The following ACP3 variants were observed in gnomAD, a reference collection of about 807,000 sequenced individuals.
ACP3 encodes the protein prostatic acid phosphatase.
A neutral mutation model predicts 45.6 loss-of-function variants in ACP3; 38 were observed. The ratio of observed to expected loss-of-function variants is 0.83; its 90% CI spans 0.64 to 1.09. The LOEUF is 1.09. ACP3 is among the 50% of genes least tolerant of loss of function. The pLI is 0.00. For synonymous variants in ACP3, 162 were observed against 164.7 expected, an observed-to-expected ratio of 0.98 and a Z score of 0.13; for missense variants, 466 against 463.2, an observed-to-expected ratio of 1.01 and a Z score of -0.05.
intron 1 of ACP3, among the ~76,000 whole-genome samples, chr3:132,318,948 C>T (rs927139801): frequency 2.0e-5 from 3 of 152,210 alleles, no homozygotes; most frequent in Admixed American, 6.5e-5. Context: ...ATGTTTTACC[C>T]AAGTTAGCCC....
intron 5 of ACP3, among the ~76,000 whole-genome samples, chr3:132,341,449 T>G (rs1035700942): frequency 3.9e-4 from 59 of 152,352 alleles, no homozygotes; most frequent in African/African-American, 1.4e-3. Flanking sequence ...TTACCAATGT[T>G]GAACAATCTT....
intron 1 of ACP3, among the ~76,000 whole-genome samples, chr3:132,325,535 A>G (rs1937282743): frequency 6.6e-6 from 1 of 150,838 alleles, no homozygotes; most frequent in African/African-American, 2.5e-5. Flanking sequence ...AATAATATAC[A>G]TAGTTCACAG....
At position 132,352,361 on chromosome 3, in the gene ACP3, C is replaced by CTTTT. The variant is rs35270483; in HGVS notation, c.865-346_865-343dup. Among the ~76,000 whole-genome samples the CTTTT allele has an allele frequency of 8.4e-4, 114 of 135,602 alleles. 2 individuals are homozygous for CTTTT. The highest frequency in any genetic ancestry group is 2.9e-3 in the South Asian group (12 of 4,110). 89.0% of individuals were successfully genotyped at this position (135,602 alleles called of 152,430 possible). A position where few individuals can be genotyped will look rare whatever the true frequency, so the allele number is the denominator to read the frequency against. On this transcript the variant is annotated intron_variant, in intron 8 of 9. Transcript: ENST00000336375. ...TACAGGCCCATGCCACCACACCCAGCTTTTTTTTTTTTTTTTAGTAGGGAT... is the reference window on the plus strand; with the variant it reads ...TACAGGCCCATGCCACCACACCCAGCTTTTTTTTTTTTTTTTTTTTAGTAGGGAT...
chr3:132,350,550 G>A (rs1403331919), intron 8 of ACP3, among the ~76,000 whole-genome samples: 1 of 152,166 alleles, frequency 6.6e-6, no homozygotes, highest in African/African-American at 2.4e-5. Context: ...GAAAAATTAA[G>A]TCCCTCGGTT....
At chr3:132,353,437 A>C (rs1238491408) in intron 9 of ACP3, among the ~76,000 whole-genome samples, 1 of 152,262 alleles carries the variant, frequency 6.6e-6, no homozygotes, top group East Asian at 1.9e-4. Context: ...AAACTGGGGA[A>C]GAATTGATTA....
chr3:132,353,886 T>C lies in ACP3; in HGVS notation c.968+1063T>C, dbSNP rs1456652297. ...GCACAGAGACTTCATTCTCAACCAATATCTTCACTGCTTACAAAGAAGTGA... is the reference window on the plus strand; with the variant it reads ...GCACAGAGACTTCATTCTCAACCAACATCTTCACTGCTTACAAAGAAGTGA... On this transcript the variant is annotated intron_variant, in intron 9 of 9. Coordinates refer to ENST00000336375, the MANE Select transcript of ACP3 (RefSeq NM_001099.5). Among the ~76,000 whole-genome samples, 9 of 152,198 alleles carry C rather than the reference T, an allele frequency of 5.9e-5. No homozygotes were observed. In the South Asian group the frequency reaches 1.2e-3, roughly 21 times the overall value.
chr3:132,349,180 T>C (rs1937661511), intron 7 of ACP3, among the ~76,000 whole-genome samples: 1 of 152,118 alleles, frequency 6.6e-6, no homozygotes, highest in Non-Finnish European at 1.5e-5. Context: ...TGCCTAGAAA[T>C]AGGATAAATA....
intron 6 of ACP3, among the ~76,000 whole-genome samples, chr3:132,343,948 G>A (rs1937578956): frequency 6.6e-6 from 1 of 152,070 alleles, no homozygotes; most frequent in Non-Finnish European, 1.5e-5. Context: ...AGCCTGGGCA[G>A]CATAATGAGG....
rs529197648 is a variant in ACP3 at position 132,356,327 on chromosome 3, GGGA to G, written c.969-351_969-349del. Among the ~76,000 whole-genome samples, 738 of 152,176 alleles carry G rather than the reference GGGA, an allele frequency of 4.8e-3. 4 individuals are homozygous for G. Among genetic ancestry groups the G allele is most frequent in the Non-Finnish European group, 7.6e-3 (518 of 68,006 alleles). ...GAGCAAATGAGAAGCCTAAAAAGAAGGGAGGAGGAGAAGGAAAACCCAACACCC... is the reference window on the plus strand; with the variant it reads ...GAGCAAATGAGAAGCCTAAAAAGAAGGGAGGAGAAGGAAAACCCAACACCC... On this transcript the variant is annotated intron_variant, in intron 9 of 9. Transcript: ENST00000336375.
rs1468813465 is a variant in ACP3 at position 132,344,910 on chromosome 3, CT to C, written c.649-12del. ...TATAAATACACATACATTTTTCTTCCTTTTTCTTTGCTACAGAGTGTTCACA... is the reference window on the plus strand; with the variant it reads ...TATAAATACACATACATTTTTCTTCCTTTTCTTTGCTACAGAGTGTTCACA... On this transcript the variant is annotated splice_polypyrimidine_tract_variant and intron_variant, in intron 6 of 9. Transcript: ENST00000336375. 1 of 1,610,322 alleles carries C rather than the reference CT, an allele frequency of 6.2e-7. No homozygotes were observed. Among genetic ancestry groups the C allele is most frequent in the East Asian group, 2.2e-5 (1 of 44,826 alleles).
intron 2 of ACP3, among the ~76,000 whole-genome samples, chr3:132,330,128 A>C (rs1937374137): frequency 6.6e-6 from 1 of 151,720 alleles, no homozygotes; most frequent in Non-Finnish European, 1.5e-5. Context: ...CCATGTTGCC[A>C]AGGCTGGTCT....
At chr3:132,354,489 AT>A (rs942619213) in intron 9 of ACP3, among the ~76,000 whole-genome samples, 84 of 152,116 alleles carry the variant, frequency 5.5e-4, no homozygotes, top group African/African-American at 1.9e-3. Context: ...TTGTATTAGG[AT>A]TTTTTTTATT....
chr3:132,328,361 A>G lies in ACP3; in HGVS notation c.215A>G (p.Gln72Arg). ...CCACAAGGATTTGGCCAACTCACCCAGGTTGGTTGGACTTTTAGCTAAAGA... is the reference window on the plus strand; with the variant it reads ...CCACAAGGATTTGGCCAACTCACCCGGGTTGGTTGGACTTTTAGCTAAAGA... ...SWPQGFGQLT[Q>R]LGMEQHYELG... Residue 72 changes from glutamine (Q) to arginine (R), a missense_variant and splice_region_variant, in exon 2 of 10, where the codon CAG becomes CGG. Transcript: ENST00000336375. 1 of 1,612,796 alleles carries G rather than the reference A, an allele frequency of 6.2e-7. No homozygotes were observed. The highest frequency in any genetic ancestry group is 1.1e-5 in the South Asian group (1 of 91,048).
intron 1 of ACP3, among the ~76,000 whole-genome samples, chr3:132,327,571 C>A (rs1163819574): frequency 6.7e-6 from 1 of 148,830 alleles, no homozygotes. Context: ...GTAATCCCAG[C>A]ACTTTGGAAG....
intron 10 of ACP3, among the ~76,000 whole-genome samples, chr3:132,367,341 G>A (rs936931516): frequency 2.6e-4 from 39 of 152,184 alleles, no homozygotes; most frequent in Non-Finnish European, 4.1e-4. Flanking sequence ...AGATCCAATT[G>A]ATTGCAGTTG....
chr3:132,331,666 A>G lies in ACP3; in HGVS notation c.236A>G (p.Tyr79Cys), dbSNP rs1453772580. 1 of 1,604,812 alleles carries G rather than the reference A, an allele frequency of 6.2e-7. No homozygotes were observed. Among genetic ancestry groups the G allele is most frequent in the Non-Finnish European group, 8.5e-7 (1 of 1,177,840 alleles). ...CCATAGCTGGGCATGGAGCAGCATT[A>G]TGAACTTGGAGAGTATATAAGAAAG... Reference protein sequence around the residue: ...QLTQLGMEQHYELGEYIRKRY... With the variant: ...QLTQLGMEQHCELGEYIRKRY... Residue 79 changes from tyrosine (Y) to cysteine (C), a missense_variant, in exon 3 of 10, where the codon TAT becomes TGT. Transcript: ENST00000336375.
chr3:132,344,935 C>T lies in ACP3; in HGVS notation c.657C>T (p.His219=). The change falls in exon 7 of 10, where the codon CAC becomes CAT. Residue 219 remains histidine, a synonymous_variant. Coordinates refer to ENST00000336375, the MANE Select transcript of ACP3 (RefSeq NM_001099.5). ...CTTTTTCTTTGCTACAGAGTGTTCA[C>T]AATTTCACTTTACCCTCCTGGGCCA... The part of the protein sequence containing the change: ...VYDPLYCESV[H]NFTLPSWATE... The T allele has an allele frequency of 3.1e-6, 5 of 1,613,696 alleles. No individual in the cohort carries two copies. The South Asian group carries it at 4.4e-5, about 14-fold the overall frequency.
intron 10 of ACP3, among the ~76,000 whole-genome samples, chr3:132,367,241 G>T (rs1938146432): frequency 6.6e-6 from 1 of 152,242 alleles, no homozygotes; most frequent in East Asian, 1.9e-4. Flanking sequence ...AGAAATGTTT[G>T]CCATAGAGAC....
At chr3:132,344,305 G>C (rs551090508) in intron 6 of ACP3, among the ~76,000 whole-genome samples, 13 of 149,516 alleles carry the variant, frequency 8.7e-5, no homozygotes, top group Non-Finnish European at 1.9e-4. Flanking sequence ...AAAGTGCCAC[G>C]TGTGGTGGCA....
Sources: allele counts gnomAD v4.1 joint callset (sites outside exome capture counted in the v4.1 genomes callset), GRCh38; gene constraint gnomAD v4.1.1; transcripts MANE v1.5; gene names NCBI Gene and HGNC (gene_info 2026-07-23, HGNC 2026-07-21).